TIPIN: variants seen among roughly 807,000 people sequenced by gnomAD.
TIPIN encodes the protein TIMELESS-interacting protein.
In TIPIN, 29 loss-of-function variants were observed where a neutral mutation model predicts 35.6. The observed-to-expected ratio is 0.82, with a 90% confidence interval of 0.61 to 1.11. TIPIN has a LOEUF of 1.11. TIPIN is among the 50% of genes most tolerant of loss of function. The pLI is 0.00. For missense variants in TIPIN, 296 were observed against 345.4 expected (o/e 0.86, Z 1.13); for synonymous variants, 102 against 121.5 (o/e 0.84, Z 1.06).
At chr15:66,366,201 A>C (rs1236367059) in intron 1 of TIPIN, among the ~76,000 whole-genome samples, 1 of 151,670 alleles carries the variant, frequency 6.6e-6, no homozygotes, top group Non-Finnish European at 1.5e-5. Flanking sequence ...CACACCTGTA[A>C]TCCTAGCACT....
chr15:66,343,039 T>C (rs1324133831), intron 6 of TIPIN, among the ~76,000 whole-genome samples: 3 of 152,210 alleles, frequency 2.0e-5, no homozygotes, highest in African/African-American at 7.2e-5. Context: ...AGATCCATAT[T>C]GTAAAAGGGT....
rs939836210 is a variant in TIPIN at position 66,336,754 on chromosome 15, A to G, written c.*204T>C. 1 of 521,712 alleles carries G rather than the reference A, an allele frequency of 1.9e-6. No individual in the cohort carries two copies. The highest frequency in any genetic ancestry group is 3.4e-6 in the Non-Finnish European group (1 of 293,456). The allele number at this position is 521,712 out of a possible 1,614,324, so 32.3% of individuals were successfully genotyped here. The stretch of plus-strand genomic sequence containing the variant: ...AATCATTTTATGAAGAAATACCTAT[A>G]TAAAAACAAACACTAAAGAGAACAA... On this transcript the variant is annotated 3_prime_UTR_variant, in exon 8 of 8. Coordinates refer to ENST00000261881, the MANE Select transcript of TIPIN (RefSeq NM_017858.3).
At chr15:66,340,814 C>T (rs2140441238) in intron 7 of TIPIN, among the ~76,000 whole-genome samples, 1 of 152,112 alleles carries the variant, frequency 6.6e-6, no homozygotes, top group Non-Finnish European at 1.5e-5. Context: ...CCAGGCTGGT[C>T]TTGAACTCCT....
At chr15:66,368,247 C>T (rs577634595) in intron 1 of TIPIN, among the ~76,000 whole-genome samples, 1 of 151,914 alleles carries the variant, frequency 6.6e-6, no homozygotes, top group Non-Finnish European at 1.5e-5. Flanking sequence ...AGACTGGGCA[C>T]AGTGGCTCAT....
intron 1 of TIPIN, among the ~76,000 whole-genome samples, chr15:66,372,830 G>A (rs12443313): frequency 0.097 from 14,753 of 152,136 alleles, 728 homozygotes; most frequent in African/African-American, 0.12. Context: ...TTGAACCTGA[G>A]AGGCGGAGGT....
intron 7 of TIPIN, among the ~76,000 whole-genome samples, chr15:66,339,595 C>T (rs2093070936): frequency 6.6e-6 from 1 of 152,144 alleles, no homozygotes; most frequent in African/African-American, 2.4e-5. Context: ...AGGCCAGGTA[C>T]ACTGGCTCAT....
At chr15:66,371,303 A>T (rs1459007022) in intron 1 of TIPIN, 94 of 984,508 alleles carry the variant, frequency 9.5e-5, no homozygotes, top group Non-Finnish European at 1.1e-4. Context: ...AGTATTTGTT[A>T]TATAATTTAA....
At chr15:66,385,115 T>C (rs1257232268) in intron 1 of TIPIN, among the ~76,000 whole-genome samples, 1 of 152,240 alleles carries the variant, frequency 6.6e-6, no homozygotes, top group Non-Finnish European at 1.5e-5. Flanking sequence ...TGAATGCAAC[T>C]AACCTCCCAT....
At position 66,364,966 on chromosome 15, in the gene TIPIN, C is replaced by CAAAAAA. The variant is rs138230933; in HGVS notation, c.-8-12017_-8-12012dup. ...GGGTGACAAGAGTGAAACTCCATCT[C>CAAAAAA]AAAAAAAAAGAAAAAGAAAAAGAAA... On this transcript the variant is annotated intron_variant, in intron 1 of 7. Transcript: ENST00000562124. 2.0e-3 allele frequency among the ~76,000 whole-genome samples: 153 copies of CAAAAAA among 76,100 alleles called. 8 individuals are homozygous for CAAAAAA. Among genetic ancestry groups the CAAAAAA allele is most frequent in the African/African-American group, 7.2e-3 (137 of 19,096 alleles). 49.9% of individuals were successfully genotyped at this position (76,100 alleles called of 152,430 possible).
At chr15:66,357,123 A>T (rs1263917475), upstream of TIPIN, among the ~76,000 whole-genome samples, 2 of 151,826 alleles carry the variant, frequency 1.3e-5, no homozygotes, top group East Asian at 3.9e-4. Context: ...AAAGACGGGG[A>T]TTAGTTGCCC....
upstream of TIPIN, among the ~76,000 whole-genome samples, chr15:66,359,297 G>A (rs147999953): frequency 6.6e-5 from 10 of 151,930 alleles, no homozygotes; most frequent in Admixed American, 6.6e-4. Context: ...TTCTATACTT[G>A]TGAGATAATA....
chr15:66,349,236 T>G, intron 5 of TIPIN, 79 bp downstream of exon 5: 1 of 1,602,714 alleles, frequency 6.2e-7, no homozygotes. Context: ...ATGAACACTT[T>G]AAACAGCAAT....
At chr15:66,379,342 C>T (rs2093309382) in intron 1 of TIPIN, 1 of 1,593,280 alleles carries the variant, frequency 6.3e-7, no homozygotes, top group African/African-American at 1.3e-5. Flanking sequence ...AGATCTTATT[C>T]ATCATCCTGC....
upstream of TIPIN, among the ~76,000 whole-genome samples, chr15:66,357,411 AG>A (rs1337260860): frequency 2.0e-5 from 3 of 152,064 alleles, no homozygotes; most frequent in African/African-American, 7.2e-5. Flanking sequence ...TGGTAAAGAG[AG>A]GAAAAATAGG....
chr15:66,356,102 A>C (rs2093202498), intron 1 of TIPIN, among the ~76,000 whole-genome samples: 1 of 152,114 alleles, frequency 6.6e-6, no homozygotes, highest in Non-Finnish European at 1.5e-5. Context: ...TGTTATGTCC[A>C]AACCACGGTT....
intron 1 of TIPIN, among the ~76,000 whole-genome samples, chr15:66,355,206 T>TGTATTTTTC (rs2093195558): frequency 6.6e-6 from 1 of 151,426 alleles, no homozygotes; most frequent in South Asian, 2.1e-4. Flanking sequence ...GCTAATTTTT[T>TGTATTTTTC]GTATTTTTCA....
At chr15:66,372,531 TG>T (rs1043590108) in intron 1 of TIPIN, among the ~76,000 whole-genome samples, 24 of 152,336 alleles carry the variant, frequency 1.6e-4, no homozygotes, top group African/African-American at 5.5e-4. Flanking sequence ...AAATGATTTT[TG>T]GTGAACATAT....
chr15:66,384,064 T>G (rs988475777), intron 1 of TIPIN, among the ~76,000 whole-genome samples: 1 of 152,024 alleles, frequency 6.6e-6, no homozygotes, highest in Admixed American at 6.6e-5. Context: ...TGGCGCGATC[T>G]CGGCTCACTG....
chr15:66,367,981 G>C (rs949166287), intron 1 of TIPIN, among the ~76,000 whole-genome samples: 2 of 151,156 alleles, frequency 1.3e-5, no homozygotes, highest in African/African-American at 4.9e-5. Context: ...CTACAGGTGC[G>C]CGCCACCATG....
Sources: gnomAD v4.1 joint callset for allele counts (sites outside exome capture counted in the v4.1 genomes callset) on GRCh38, gnomAD v4.1.1 for gene constraint, MANE v1.5 for transcripts, NCBI Gene and HGNC (gene_info 2026-07-23, HGNC 2026-07-21) for gene names.